The following NUDCD1 variants were observed in gnomAD, a reference collection of about 807,000 sequenced individuals.
NUDCD1 encodes NudC domain containing 1.
NUDCD1 carries 60 observed loss-of-function variants against 67.8 expected under a neutral mutation model. The observed-to-expected ratio is 0.88, with a 90% CI of 0.72 to 1.10. The LOEUF (loss-of-function observed/expected upper bound fraction) is 1.10. NUDCD1 is among the 50% of genes least tolerant of loss of function. NUDCD1 has a pLI of 0.00. For synonymous variants in NUDCD1, 244 were observed against 230.8 expected (o/e 1.06, Z -0.52); for missense variants, 643 against 695.0 (o/e 0.93, Z 0.84).
chr8:109,255,046 A>G (rs980851176), intron 8 of NUDCD1, among the ~76,000 whole-genome samples: 1 of 152,176 alleles, frequency 6.6e-6, no homozygotes, highest in African/African-American at 2.4e-5. Flanking sequence ...AAGTTCAGAG[A>G]TTTAAGTCAA....
At chr8:109,310,973 G>A (rs1240400575) in intron 2 of NUDCD1, among the ~76,000 whole-genome samples, 1 of 151,410 alleles carries the variant, frequency 6.6e-6, no homozygotes, top group East Asian at 1.9e-4. Flanking sequence ...ACGCCACCAC[G>A]CCCGGCTAAT....
chr8:109,266,368 G>A (rs534902557), intron 8 of NUDCD1, among the ~76,000 whole-genome samples: 71 of 149,800 alleles, frequency 4.7e-4, no homozygotes, highest in African/African-American at 1.1e-3. Context: ...TGGGACTACA[G>A]GTGCCTGCCA....
intron 8 of NUDCD1, among the ~76,000 whole-genome samples, chr8:109,265,940 T>C (rs549515661): frequency 1.3e-5 from 2 of 152,230 alleles, no homozygotes; most frequent in Admixed American, 6.5e-5. Flanking sequence ...GACCCCTGTC[T>C]TAAGCAACAG....
chr8:109,250,686 T>A (rs890927507), intron 8 of NUDCD1, among the ~76,000 whole-genome samples: 2 of 151,470 alleles, frequency 1.3e-5, no homozygotes, highest in Non-Finnish European at 1.5e-5. Flanking sequence ...ACGAATGGTA[T>A]TTTTTTTTCA....
At chr8:109,297,383 T>C (rs767339381) in intron 2 of NUDCD1, among the ~76,000 whole-genome samples, 32 of 152,206 alleles carry the variant, frequency 2.1e-4, no homozygotes, top group Non-Finnish European at 1.5e-4. Context: ...TTGAATGTGG[T>C]ATCCTCCCCA....
intron 8 of NUDCD1, among the ~76,000 whole-genome samples, chr8:109,251,365 G>T (rs1297743823): frequency 1.3e-5 from 2 of 151,676 alleles, no homozygotes; most frequent in Non-Finnish European, 1.5e-5. Context: ...TAGAGACGGG[G>T]TTTCACCATC....
At chr8:109,288,048 G>GTA (rs1251222434) in intron 5 of NUDCD1, among the ~76,000 whole-genome samples, 1 of 152,070 alleles carries the variant, frequency 6.6e-6, no homozygotes, top group Non-Finnish European at 1.5e-5. Context: ...AAGGAAACCA[G>GTA]TATATATATT....
intron 7 of NUDCD1, among the ~76,000 whole-genome samples, chr8:109,272,787 A>C (rs2129956985): frequency 6.6e-6 from 1 of 152,262 alleles, no homozygotes; most frequent in South Asian, 2.1e-4. Flanking sequence ...ATATGGAACC[A>C]CCTAGTTGTG....
chr8:109,279,849 C>G (rs1385632873), intron 6 of NUDCD1, among the ~76,000 whole-genome samples: 2 of 152,084 alleles, frequency 1.3e-5, no homozygotes, highest in Non-Finnish European at 2.9e-5. Flanking sequence ...TCAGGCTGGT[C>G]TCGAACTCCT....
chr8:109,312,211 A>G (rs1265476822), intron 2 of NUDCD1, among the ~76,000 whole-genome samples: 3 of 147,978 alleles, frequency 2.0e-5, no homozygotes, highest in African/African-American at 7.5e-5. Context: ...CTGAGGCAGG[A>G]GAATTGCTTG....
chr8:109,312,616 C>T (rs866432797), intron 2 of NUDCD1, among the ~76,000 whole-genome samples: 2 of 151,938 alleles, frequency 1.3e-5, no homozygotes, highest in South Asian at 2.1e-4. Context: ...ATTTTAATAA[C>T]GAAAAGGAAA....
chr8:109,307,411 G>A (rs185607875), intron 2 of NUDCD1, among the ~76,000 whole-genome samples: 50 of 152,288 alleles, frequency 3.3e-4, no homozygotes, highest in Non-Finnish European at 1.6e-4. Flanking sequence ...CAGCCTTGTG[G>A]CTCACACAAA....
chr8:109,289,264 C>T (rs113820279), intron 5 of NUDCD1, among the ~76,000 whole-genome samples: 14,870 of 152,056 alleles, frequency 0.098, 783 homozygotes, highest in Middle Eastern at 0.14. Context: ...CGTGAGCTGC[C>T]GTGCCTGGCC....
intron 2 of NUDCD1, among the ~76,000 whole-genome samples, chr8:109,319,505 G>C (rs1013936310): frequency 2.0e-5 from 3 of 152,180 alleles, no homozygotes; most frequent in Admixed American, 6.5e-5. Flanking sequence ...ATTCCTAGGG[G>C]AACAGAGGTA....
intron 5 of NUDCD1, 31 bp downstream of exon 5, chr8:109,289,720 A>C: frequency 3.6e-6 from 4 of 1,115,142 alleles, no homozygotes; most frequent in Non-Finnish European, 5.3e-6. Context: ...TTATGAAAAT[A>C]CCAATAAGCT....
At chr8:109,320,641 A>T (rs1394476131) in intron 2 of NUDCD1, among the ~76,000 whole-genome samples, 3 of 152,210 alleles carry the variant, frequency 2.0e-5, no homozygotes, top group African/African-American at 7.2e-5. Context: ...GATTAAAGAA[A>T]AGACAAGCAT....
At chr8:109,323,627 C>T (rs903733657) in intron 1 of NUDCD1, among the ~76,000 whole-genome samples, 8 of 151,818 alleles carry the variant, frequency 5.3e-5, no homozygotes, top group African/African-American at 1.9e-4. Flanking sequence ...AAGGTTTGAG[C>T]CACGACATAA....
intron 9 of NUDCD1, among the ~76,000 whole-genome samples, chr8:109,245,038 G>C (rs556192630): frequency 6.6e-4 from 100 of 152,190 alleles, no homozygotes; most frequent in Middle Eastern, 3.4e-3. Context: ...ATGGCTTACA[G>C]AATTAGAAAA....
chr8:109,303,795 T>G (rs1787996847), intron 2 of NUDCD1, among the ~76,000 whole-genome samples: 1 of 152,150 alleles, frequency 6.6e-6, no homozygotes, highest in South Asian at 2.1e-4. Context: ...TCAATGCCAA[T>G]ATCCCATCCT....
Sources: allele counts gnomAD v4.1 joint callset (sites outside exome capture counted in the v4.1 genomes callset), GRCh38; gene constraint gnomAD v4.1.1; transcripts MANE v1.5; gene names NCBI Gene and HGNC (gene_info 2026-07-23, HGNC 2026-07-21).